MERTK: variants seen among roughly 807,000 people sequenced by gnomAD.
MERTK encodes MER proto-oncogene, tyrosine kinase.
MERTK carries 69 observed loss-of-function variants against 99.3 expected under a neutral mutation model. The ratio of observed to expected loss-of-function variants is 0.70; its 90% CI spans 0.57 to 0.85. The LOEUF is 0.85. Ranked by LOEUF, MERTK falls within the 40% of genes least tolerant of loss-of-function variation. The probability of loss-of-function intolerance (pLI) is 0.00; values close to 1 mark genes in which losing one functional copy is unlikely to be tolerated. For missense variants in MERTK, 1,125 were observed against 1,249.4 expected (o/e 0.90, Z 1.50); for synonymous variants, 426 against 467.6 (o/e 0.91, Z 1.15).
intron 15 of MERTK, among the ~76,000 whole-genome samples, chr2:112,010,742 A>T (rs1047431256): frequency 1.3e-5 from 2 of 152,144 alleles, no homozygotes; most frequent in East Asian, 3.9e-4. Context: ...AGGCCTCCTT[A>T]TCTGAAACAA....
chr2:111,910,896 G>A (rs1407672380), intron 1 of MERTK, among the ~76,000 whole-genome samples: 1 of 152,140 alleles, frequency 6.6e-6, no homozygotes, highest in African/African-American at 2.4e-5. Flanking sequence ...ATTACAGCAA[G>A]ATAGGAGGGA....
At chr2:111,983,376 A>G (rs1046657569) in intron 8 of MERTK, among the ~76,000 whole-genome samples, 7 of 152,148 alleles carry the variant, frequency 4.6e-5, no homozygotes, top group African/African-American at 1.7e-4. Context: ...CAGTCCAGCA[A>G]TTCATGGCCT....
intron 6 of MERTK, among the ~76,000 whole-genome samples, chr2:111,972,967 A>G (rs893153325): frequency 2.6e-5 from 4 of 152,146 alleles, no homozygotes; most frequent in African/African-American, 9.7e-5. Context: ...GGACCAAATG[A>G]ATGTTTTGGA....
chr2:111,944,537 C>CTGTTA (rs1558781453), intron 2 of MERTK, among the ~76,000 whole-genome samples: 1 of 151,830 alleles, frequency 6.6e-6, no homozygotes, highest in Admixed American at 6.6e-5. Flanking sequence ...GGAATTAGCT[C>CTGTTA]ACACACAGTG....
chr2:111,991,110 C>T (rs1459692874), intron 8 of MERTK, among the ~76,000 whole-genome samples: 3 of 152,126 alleles, frequency 2.0e-5, no homozygotes, highest in African/African-American at 7.2e-5. Context: ...GCTCCATGAC[C>T]GTGGGGGTTT....
chr2:112,020,173 C>G (rs1469237162), intron 16 of MERTK, among the ~76,000 whole-genome samples: 1 of 152,234 alleles, frequency 6.6e-6, no homozygotes, highest in Non-Finnish European at 1.5e-5. Flanking sequence ...GGCCTGCCCC[C>G]TCCCGCCTCC....
At chr2:111,899,359 C>T (rs1683996980) in intron 1 of MERTK, among the ~76,000 whole-genome samples, 1 of 152,156 alleles carries the variant, frequency 6.6e-6, no homozygotes, top group Non-Finnish European at 1.5e-5. Flanking sequence ...TGGCTGCTCC[C>T]AATGGGCCCT....
intron 2 of MERTK, among the ~76,000 whole-genome samples, chr2:111,939,017 G>A (rs1352126723): frequency 1.3e-5 from 2 of 152,110 alleles, no homozygotes; most frequent in Non-Finnish European, 2.9e-5. Context: ...CATGTAATAT[G>A]CTATAATTAT....
At chr2:111,978,134 TTTGTTTTTTGG>T (rs1215942073) in intron 7 of MERTK, among the ~76,000 whole-genome samples, 2 of 147,626 alleles carry the variant, frequency 1.4e-5, no homozygotes, top group Non-Finnish European at 3.0e-5. Flanking sequence ...TTTTTTATGT[TTTGTTTTTTGG>T]TTGTTTTTTG....
intron 1 of MERTK, among the ~76,000 whole-genome samples, chr2:111,905,363 G>A (rs1334633688): frequency 6.6e-6 from 1 of 151,508 alleles, no homozygotes. Context: ...CTCAGGTCCT[G>A]GTGTTTCAGA....
intron 6 of MERTK, among the ~76,000 whole-genome samples, chr2:111,968,612 C>G (rs555801955): frequency 6.6e-6 from 1 of 152,160 alleles, no homozygotes; most frequent in African/African-American, 2.4e-5. Context: ...CGGCTCACCG[C>G]AAACTCCACC....
rs1297190151 is a variant in MERTK, at chr2:111,939,532, A to AGT, written c.483-5426_483-5425dup. ...GGTCTCACTCTATCTTCCAGGCTGC[A>AGT]GTGCAGTGTGCGATCATAGCCCACT... On this transcript the variant is annotated intron_variant, in intron 2 of 18. Transcript: ENST00000295408. Among the ~76,000 whole-genome samples, 3 of 151,992 alleles carry AGT rather than the reference A, an allele frequency of 2.0e-5. No homozygotes were observed. In the East Asian group the frequency reaches 5.8e-4, roughly 29 times the overall value.
At chr2:111,921,222 C>T (rs1326330100) in intron 1 of MERTK, among the ~76,000 whole-genome samples, 3 of 152,066 alleles carry the variant, frequency 2.0e-5, no homozygotes, top group Admixed American at 6.5e-5. Flanking sequence ...CCAGCATTTA[C>T]AGGATTCCAG....
intron 4 of MERTK, among the ~76,000 whole-genome samples, chr2:111,951,030 A>C (rs1314528260): frequency 6.6e-6 from 1 of 152,050 alleles, no homozygotes. Flanking sequence ...GTATGTACTT[A>C]AGGTATACAA....
At chr2:111,959,675 TG>T (rs1685208565) in intron 4 of MERTK, among the ~76,000 whole-genome samples, 1 of 152,080 alleles carries the variant, frequency 6.6e-6, no homozygotes, top group Non-Finnish European at 1.5e-5. Flanking sequence ...GGTTTCACCA[TG>T]TTGCCCCAGG....
chr2:112,003,192 G>C lies in MERTK; in HGVS notation c.1786+5G>C. The C allele has an allele frequency of 1.5e-6, 2 of 1,354,868 alleles. No homozygotes were observed. Among genetic ancestry groups the C allele is most frequent in the Non-Finnish European group, 2.1e-6 (2 of 944,188 alleles). 83.9% of individuals were successfully genotyped at this position (1,354,868 alleles called of 1,614,324 possible). A position where few individuals can be genotyped will look rare whatever the true frequency, so the allele number is the denominator to read the frequency against. ...TTGGAAAAATTCTGGGTGAAGGTAA[G>C]CAATTTAAAGTAATTCTTTTAAAAT... is the stretch of plus-strand genomic sequence containing the variant. On this transcript the variant is annotated splice_donor_5th_base_variant and intron_variant, in intron 12 of 18. Coordinates refer to ENST00000295408, the MANE Select transcript of MERTK (RefSeq NM_006343.3).
intron 10 of MERTK, among the ~76,000 whole-genome samples, chr2:111,999,764 TA>T (rs1265601165): frequency 6.6e-6 from 1 of 152,168 alleles, no homozygotes; most frequent in African/African-American, 2.4e-5. Flanking sequence ...TAAAGCTTTT[TA>T]ATCACCCGGG....
rs1459938371 is a variant in MERTK at position 112,013,282 on chromosome 2, T to C, written c.2079+3216T>C. The C allele has an allele frequency of 1.9e-5, 3 of 154,264 alleles. 1 individual carries two copies. The East Asian group carries it at 5.8e-4, about 30-fold the overall frequency. 9.6% of individuals were successfully genotyped at this position (154,264 alleles called of 1,614,324 possible). ...TCCAAAGAGGTGAGGGGCCTAGTCCTACACAGAAAATATAATAGACAGGGC... is the reference window on the plus strand; with the variant it reads ...TCCAAAGAGGTGAGGGGCCTAGTCCCACACAGAAAATATAATAGACAGGGC... On this transcript the variant is annotated intron_variant, in intron 15 of 18. Transcript: ENST00000295408.
At position 111,929,040 on chromosome 2, in the gene MERTK, T is replaced by C. The variant is rs1684619696; in HGVS notation, c.62-80T>C. ...CAGAGGACACCCCAGTGCTCTCTCTTCTTGGCCTAAGAAGTTGGGAACCTA... is the reference window on the plus strand; with the variant it reads ...CAGAGGACACCCCAGTGCTCTCTCTCCTTGGCCTAAGAAGTTGGGAACCTA... On this transcript the variant is annotated intron_variant, in intron 1 of 18. Coordinates refer to ENST00000295408, the MANE Select transcript of MERTK (RefSeq NM_006343.3). 22 of 1,504,456 alleles carry C rather than the reference T, an allele frequency of 1.5e-5. No homozygotes were observed. In the South Asian group the frequency reaches 2.5e-4, roughly 17 times the overall value. 93.2% of individuals were successfully genotyped at this position (1,504,456 alleles called of 1,614,324 possible). A position where few individuals can be genotyped will look rare whatever the true frequency, so the allele number is the denominator to read the frequency against.
Sources: gnomAD v4.1 joint callset for allele counts (sites outside exome capture counted in the v4.1 genomes callset) on GRCh38, gnomAD v4.1.1 for gene constraint, MANE v1.5 for transcripts, NCBI Gene and HGNC (gene_info 2026-07-23, HGNC 2026-07-21) for gene names.